The following MACROD2 variants were observed in gnomAD, a reference collection of about 807,000 sequenced individuals.
MACROD2 encodes the protein ADP-ribose glycohydrolase MACROD2.
In MACROD2, 36 loss-of-function variants were observed where a neutral mutation model predicts 70.4. The ratio of observed to expected loss-of-function variants is 0.51; its 90% CI spans 0.39 to 0.68. The LOEUF (loss-of-function observed/expected upper bound fraction) is 0.68, where lower values mean the gene tolerates loss of function less well. MACROD2 is among the 30% of genes least tolerant of loss of function. The probability of loss-of-function intolerance (pLI) is 0.00; values close to 1 mark genes in which losing one functional copy is unlikely to be tolerated. For synonymous variants in MACROD2, 172 were observed against 178.8 expected (o/e 0.96, Z 0.30); for missense variants, 496 against 538.4 (o/e 0.92, Z 0.78).
At position 15,967,569 on chromosome 20, in the gene MACROD2, A is replaced by G; in HGVS notation, c.924A>G (p.Glu308=). 1 of 1,611,834 alleles carries G rather than the reference A, an allele frequency of 6.2e-7. No homozygotes were observed. The highest frequency in any genetic ancestry group is 1.1e-5 in the South Asian group (1 of 90,672). The change falls in exon 13 of 18, where the codon GAA becomes GAG. Residue 308 remains glutamate, a synonymous_variant. Coordinates refer to ENST00000684519, the MANE Select transcript of MACROD2 (RefSeq NM_001351661.2). ...TGTTGTTAGATTTTGCAAAGGATGA[A>G]AATATTACAAAAGGCGGTGAAGTGA... ...DCKDEDFAKD[E]NITKGGEVTD... is the part of the protein sequence containing the mutation.
At chr20:15,546,942 A>G (rs897923516) in intron 8 of MACROD2, among the ~76,000 whole-genome samples, 16 of 152,200 alleles carry the variant, frequency 1.1e-4, no homozygotes, top group Non-Finnish European at 2.1e-4. Context: ...CTGGTGAGTG[A>G]ACAAAATGAA....
chr20:14,961,798 A>G (rs2122768503), intron 5 of MACROD2, among the ~76,000 whole-genome samples: 1 of 152,306 alleles, frequency 6.6e-6, no homozygotes, highest in African/African-American at 2.4e-5. Context: ...AGACTTACAG[A>G]AAAGTTGCAA....
intron 6 of MACROD2, among the ~76,000 whole-genome samples, chr20:15,394,067 G>A (rs1326611473): frequency 5.3e-5 from 8 of 152,244 alleles, no homozygotes; most frequent in Admixed American, 2.0e-4. Flanking sequence ...GAGGCTTATC[G>A]TTGGAAGTGT....
intron 3 of MACROD2, chr20:14,325,647 C>A (rs1379025240): frequency 1.2e-6 from 2 of 1,613,756 alleles, no homozygotes; most frequent in South Asian, 1.1e-5. Context: ...TGTACAGATT[C>A]ATTCCATTAG....
intron 5 of MACROD2, among the ~76,000 whole-genome samples, chr20:15,021,128 ATACACATACGTG>A (rs2075169720): frequency 7.8e-6 from 1 of 128,194 alleles, no homozygotes; most frequent in Middle Eastern, 4.2e-3. Flanking sequence ...ACACGTGTGT[ATACACATACGTG>A]TGTGTATACA....
intron 5 of MACROD2, among the ~76,000 whole-genome samples, chr20:15,082,712 AG>A (rs1202060714): frequency 1.3e-5 from 2 of 152,162 alleles, no homozygotes; most frequent in African/African-American, 4.8e-5. Flanking sequence ...TACAATTTTG[AG>A]TTCCTCTTTG....
chr20:14,867,828 T>A (rs2073444536), intron 5 of MACROD2, among the ~76,000 whole-genome samples: 1 of 152,072 alleles, frequency 6.6e-6, no homozygotes. Flanking sequence ...GATATTGTGG[T>A]GTCACCTCTT....
intron 5 of MACROD2, among the ~76,000 whole-genome samples, chr20:14,919,398 C>T (rs1170968304): frequency 2.0e-5 from 3 of 152,208 alleles, no homozygotes; most frequent in African/African-American, 7.2e-5. Flanking sequence ...TCTCTAATTT[C>T]AGCAACAGCA....
intron 4 of MACROD2, among the ~76,000 whole-genome samples, chr20:14,562,451 T>G (rs1420390820): frequency 3.3e-5 from 5 of 151,890 alleles, no homozygotes; most frequent in African/African-American, 1.2e-4. Context: ...GGTGAGGAGT[T>G]TTACACAAAA....
At chr20:15,149,864 TG>T (rs2076256651) in intron 5 of MACROD2, among the ~76,000 whole-genome samples, 1 of 151,860 alleles carries the variant, frequency 6.6e-6, no homozygotes, top group South Asian at 2.1e-4. Flanking sequence ...AGAGCTAGGG[TG>T]GGGACAGTCT....
At chr20:15,737,091 T>C (rs1276030895) in intron 8 of MACROD2, among the ~76,000 whole-genome samples, 1 of 152,182 alleles carries the variant, frequency 6.6e-6, no homozygotes, top group Non-Finnish European at 1.5e-5. Context: ...GGTTATTGAT[T>C]GTATATGGAA....
intron 3 of MACROD2, among the ~76,000 whole-genome samples, chr20:14,263,460 T>C (rs1483058195): frequency 1.3e-5 from 2 of 151,882 alleles, no homozygotes; most frequent in Non-Finnish European, 2.9e-5. Context: ...AGGCAGAGGG[T>C]AGGGGAGAGG....
chr20:14,826,654 C>T (rs1298180136), intron 5 of MACROD2, among the ~76,000 whole-genome samples: 1 of 152,060 alleles, frequency 6.6e-6, no homozygotes, highest in African/African-American at 2.4e-5. Context: ...TCAACTGCTT[C>T]TTTAGGGCCT....
intron 2 of MACROD2, among the ~76,000 whole-genome samples, chr20:14,075,086 G>C (rs1601191019): frequency 6.6e-6 from 1 of 152,250 alleles, no homozygotes; most frequent in East Asian, 1.9e-4. Context: ...AAGCACAAGA[G>C]TAGTGATGGT....
At chr20:14,097,889 T>C (rs944241279) in intron 3 of MACROD2, among the ~76,000 whole-genome samples, 2 of 152,232 alleles carry the variant, frequency 1.3e-5, no homozygotes, top group African/African-American at 4.8e-5. Flanking sequence ...AGTCTGTGTA[T>C]GTTAAACTGT....
chr20:14,397,755 C>G (rs372360309), intron 3 of MACROD2, among the ~76,000 whole-genome samples: 1 of 152,090 alleles, frequency 6.6e-6, no homozygotes, highest in African/African-American at 2.4e-5. Context: ...TTGAAATTCT[C>G]TCTTCTAGAT....
At chr20:15,295,620 C>CACACACACACACACACACACAT (rs1360961123) in intron 6 of MACROD2, among the ~76,000 whole-genome samples, 1 of 152,016 alleles carries the variant, frequency 6.6e-6, no homozygotes, top group Non-Finnish European at 1.5e-5. Flanking sequence ...CACACACACA[C>CACACACACACACACACACACAT]ACACACACAT....
intron 5 of MACROD2, among the ~76,000 whole-genome samples, chr20:15,119,991 C>G (rs192432162): frequency 6.6e-6 from 1 of 152,180 alleles, no homozygotes; most frequent in East Asian, 1.9e-4. Context: ...GCTCATTTGC[C>G]AACAGTTTTG....
At chr20:15,291,050 A>G (rs2077537045) in intron 6 of MACROD2, among the ~76,000 whole-genome samples, 1 of 152,228 alleles carries the variant, frequency 6.6e-6, no homozygotes, top group South Asian at 2.1e-4. Context: ...CTGAAACAAA[A>G]AGAAAAAGAA....
Sources: gnomAD v4.1 joint callset for allele counts (sites outside exome capture counted in the v4.1 genomes callset) on GRCh38, gnomAD v4.1.1 for gene constraint, MANE v1.5 for transcripts, NCBI Gene and HGNC (gene_info 2026-07-23, HGNC 2026-07-21) for gene names.